The following TBC1D8B variants were observed in gnomAD, a reference collection of about 807,000 sequenced individuals.
TBC1D8B encodes the protein RP11-321G1.1.
Under a neutral mutation model 82.9 loss-of-function variants are expected in TBC1D8B, and 75 were observed. That is an observed-to-expected ratio of 0.90 (90% CI 0.75 to 1.10). The LOEUF (loss-of-function observed/expected upper bound fraction) is 1.10, where lower values mean the gene tolerates loss of function less well. TBC1D8B is among the 50% of genes least tolerant of loss of function. The pLI is 0.00. For missense variants in TBC1D8B, 794 were observed against 796.9 expected (o/e 1.00, Z 0.04); for synonymous variants, 276 against 276.8 (o/e 1.00, Z 0.03).
At chrX:106,858,310 T>TC (rs1352763256) in intron 14 of TBC1D8B, among the ~76,000 whole-genome samples, 1 of 111,953 alleles carries the variant, frequency 8.9e-6, no homozygotes, top group Non-Finnish European at 1.9e-5. Flanking sequence ...TCTTGCTGTG[T>TC]CACCCAGGCT....
intron 7 of TBC1D8B, chrX:106,827,639 A>C: frequency 5.3e-6 from 1 of 187,499 alleles, no homozygotes; most frequent in Admixed American, 7.2e-5. Flanking sequence ...GTTTTTAAGA[A>C]GTCAAAATAT....
intron 10 of TBC1D8B, among the ~76,000 whole-genome samples, chrX:106,843,317 G>T (rs1347540096): frequency 8.9e-6 from 1 of 111,802 alleles, no homozygotes; most frequent in Non-Finnish European, 1.9e-5. Context: ...AGCAATGTAT[G>T]AGGGTTCTAT....
chrX:106,868,107 T>C (rs987351184), intron 17 of TBC1D8B, among the ~76,000 whole-genome samples: 4 of 110,489 alleles, frequency 3.6e-5, no homozygotes, highest in Non-Finnish European at 7.6e-5. Context: ...AATTTCAACT[T>C]TTAATAGCTC....
rs375045782 is a variant in TBC1D8B at position 106,826,144 on chromosome X, C to G, written c.942C>G (p.Phe314Leu). The change falls in exon 6 of 21, where the codon TTC becomes TTG. Residue 314 changes from phenylalanine (F) to leucine (L), a missense_variant. By Grantham distance (22) the Phe-to-Leu change is conservative. Coordinates refer to ENST00000357242, the MANE Select transcript of TBC1D8B (RefSeq NM_017752.3). Reference sequence around the variant, plus strand: ...TCTTATGGGTACCATTCAGCCACTTCAATACTCATGGGAAAATGTGCATCT... The same window carrying G: ...TCTTATGGGTACCATTCAGCCACTTGAATACTCATGGGAAAATGTGCATCT... ...ECFLWVPFSH[F>L]NTHGKMCISE... The G allele has an allele frequency of 8.3e-7, 1 of 1,208,600 alleles. No individual in the cohort carries two copies. The highest frequency in any genetic ancestry group is 1.1e-6 in the Non-Finnish European group (1 of 894,459).
chrX:106,814,074 T>C (rs1278308055), intron 1 of TBC1D8B: 1 of 107,669 alleles, frequency 9.3e-6, no homozygotes. Context: ...GTTCTCATTG[T>C]TCAATTCCCA....
intron 1 of TBC1D8B, among the ~76,000 whole-genome samples, chrX:106,811,724 G>A (rs778580108): frequency 1.8e-5 from 2 of 111,427 alleles, no homozygotes; most frequent in African/African-American, 6.5e-5. Flanking sequence ...AGAAATTCAG[G>A]TGTTGCAATT....
chrX:106,865,607 G>A lies in TBC1D8B; in HGVS notation c.2401G>A (p.Glu801Lys), dbSNP rs759196782. 2 of 1,195,953 alleles carry A rather than the reference G, an allele frequency of 1.7e-6. No homozygotes were observed. The highest frequency in any genetic ancestry group is 3.0e-5 in the East Asian group (1 of 33,461). ...GAAATTGAGCCTTCAAGAATTGGAT[G>A]AACTTTATGTCATCTTTAAGGTACT... ...DVKLSLQELD[E>K]LYVIFKKELF... is the part of the protein sequence containing the mutation. Residue 801 changes from glutamate to lysine, a missense_variant, in exon 15 of 21, where the codon GAA becomes AAA. Physicochemically the swap from Glu to Lys is moderately conservative, Grantham distance 56. Transcript: ENST00000357242.
intron 1 of TBC1D8B, among the ~76,000 whole-genome samples, chrX:106,811,540 A>G (rs1409149711): frequency 9.0e-6 from 1 of 111,627 alleles, no homozygotes; most frequent in Non-Finnish European, 1.9e-5. Flanking sequence ...AAATAAATAA[A>G]TAAAACAAGG....
intron 7 of TBC1D8B, among the ~76,000 whole-genome samples, chrX:106,835,421 T>A (rs180736409): frequency 8.9e-6 from 1 of 112,186 alleles, no homozygotes; most frequent in African/African-American, 3.2e-5. Flanking sequence ...TTTTCCCTCC[T>A]AGGCTTCCAG....
intron 14 of TBC1D8B, among the ~76,000 whole-genome samples, chrX:106,854,639 G>A (rs1355628116): frequency 1.0e-4 from 11 of 109,645 alleles, no homozygotes; most frequent in Admixed American, 8.8e-4. Context: ...TCAGCCTACC[G>A]AGGAGCTGGG....
rs1419387115 is a variant in TBC1D8B, at chrX:106,827,274, G to A, written c.1140G>A (p.Leu380=). The A allele has an allele frequency of 8.3e-7, 1 of 1,209,226 alleles. No homozygotes were observed. Among genetic ancestry groups the A allele is most frequent in the African/African-American group, 1.7e-5 (1 of 57,153 alleles). Residue 380 remains leucine (L), a synonymous_variant, in exon 7 of 21, where the codon CTG becomes CTA. Coordinates refer to ENST00000357242, the MANE Select transcript of TBC1D8B (RefSeq NM_017752.3). ...ATGAAGTTAAAGACTTTGAACAACT[G>A]GTAGCAAAACTCAGGCTCAGATGCG... The part of the protein sequence containing the change: ...RFHEVKDFEQ[L]VAKLRLRCGA...
In TBC1D8B at chrX:106,854,043, G is replaced by A. The variant is rs959650699; in HGVS notation, c.2254-155G>A. On this transcript the variant is annotated intron_variant, in intron 13 of 20. Transcript: ENST00000357242. ...GAATATATTTAAAAACTGAAACGTG[G>A]GAGGTAAAAATTTGCAAAATCATTG... Among the ~76,000 whole-genome samples the A allele has an allele frequency of 2.7e-5, 3 of 111,456 alleles. No individual in the cohort carries two copies. In the East Asian group the frequency reaches 8.4e-4, roughly 31 times the overall value.
chrX:106,826,260 T>C (rs757391165), intron 6 of TBC1D8B, 23 bp downstream of exon 6: 1 of 1,169,413 alleles, frequency 8.6e-7, no homozygotes, highest in South Asian at 1.9e-5. Flanking sequence ...TGGTTACATA[T>C]CAGTTTTTAG....
intron 14 of TBC1D8B, among the ~76,000 whole-genome samples, chrX:106,861,754 A>T (rs1404885236): frequency 2.7e-5 from 3 of 111,711 alleles, no homozygotes; most frequent in Admixed American, 9.5e-5. Flanking sequence ...GGTTAATATT[A>T]ATATGTGTAG....
chrX:106,870,856 T>C (rs1008739684), intron 20 of TBC1D8B, 43 bp downstream of exon 20: 16 of 917,961 alleles, frequency 1.7e-5, no homozygotes, highest in Non-Finnish European at 2.5e-5. Flanking sequence ...CTTGCTTTTT[T>C]GTATGGATGT....
At chrX:106,830,500 G>T (rs1387507517) in intron 7 of TBC1D8B, among the ~76,000 whole-genome samples, 2 of 110,910 alleles carry the variant, frequency 1.8e-5, no homozygotes, top group Non-Finnish European at 3.8e-5. Flanking sequence ...GCACACATAT[G>T]TTTACTGCGG....
In TBC1D8B at chrX:106,827,234, C is replaced by G; in HGVS notation, c.1100C>G (p.Thr367Arg). 1.7e-6 allele frequency: 2 copies of G among 1,210,936 alleles called. No individual in the cohort carries two copies. The highest frequency in any genetic ancestry group is 2.2e-6 in the Non-Finnish European group (2 of 895,049). The part of the protein sequence containing the change: ...KSVIISIKGK[T>R]AFRFHEVKDF... ...GTCATCATTAGCATCAAAGGAAAAA[C>G]AGCTTTTCGCTTCCATGAAGTTAAA... Residue 367 changes from threonine to arginine, a missense_variant, in exon 7 of 21, where the codon ACA (threonine) becomes AGA (arginine). Transcript: ENST00000357242.
intron 7 of TBC1D8B, among the ~76,000 whole-genome samples, chrX:106,837,193 T>C (rs1345221911): frequency 9.0e-6 from 1 of 111,649 alleles, no homozygotes; most frequent in African/African-American, 3.2e-5. Flanking sequence ...ATAGGTAAAT[T>C]GGATTACATC....
At chrX:106,816,007 G>C (rs1042111652) in intron 1 of TBC1D8B, among the ~76,000 whole-genome samples, 4 of 111,432 alleles carry the variant, frequency 3.6e-5, no homozygotes, top group African/African-American at 1.3e-4. Flanking sequence ...GCACAAGACA[G>C]GGATGCCCTC....
Sources: allele counts gnomAD v4.1 joint callset (sites outside exome capture counted in the v4.1 genomes callset), GRCh38; gene constraint gnomAD v4.1.1; transcripts MANE v1.5; gene names NCBI Gene and HGNC (gene_info 2026-07-23, HGNC 2026-07-21).